PDE4D: variants seen among roughly 807,000 people sequenced by gnomAD.
PDE4D encodes the protein phosphodiesterase 4D.
A neutral mutation model predicts 87.4 loss-of-function variants in PDE4D; 24 were observed. That is an observed-to-expected ratio of 0.27 (90% confidence interval 0.20 to 0.39). The LOEUF (loss-of-function observed/expected upper bound fraction) is 0.39. PDE4D is among the 10% of genes least tolerant of loss of function. The pLI, the probability that PDE4D is intolerant of heterozygous loss-of-function variation, is 1.00. For synonymous variants in PDE4D, 384 were observed against 383.2 expected (o/e 1.00, Z -0.02); for missense variants, 714 against 1,041.0 (o/e 0.69, Z 4.32).
In PDE4D at chr5:59,574,108, A is replaced by T. The variant is rs1409452440; in HGVS notation, c.455+319060T>A. Among the ~76,000 whole-genome samples, 61 of 32,358 alleles carry T rather than the reference A, an allele frequency of 1.9e-3. No individual in the cohort carries two copies. The East Asian group carries it at 0.023, about 12-fold the overall frequency. The allele number at this position is 32,358 out of a possible 152,430, so 21.2% of individuals were successfully genotyped here. On this transcript the variant is annotated intron_variant, in intron 1 of 14. Transcript: ENST00000340635. ...TTTATATATATAAATATATATTTATATATATATATAAATATATATTTATAT... is the reference window on the plus strand; with the variant it reads ...TTTATATATATAAATATATATTTATTTATATATATAAATATATATTTATAT...
chr5:60,088,755 A>T (rs1582593850), intron 2 of PDE4D, among the ~76,000 whole-genome samples: 1 of 152,104 alleles, frequency 6.6e-6, no homozygotes, highest in South Asian at 2.1e-4. Context: ...AAAAGAAAGA[A>T]ATGATTCTAC....
chr5:60,268,630 A>G (rs995849542), intron 1 of PDE4D, among the ~76,000 whole-genome samples: 4 of 152,248 alleles, frequency 2.6e-5, no homozygotes, highest in Non-Finnish European at 5.9e-5. Context: ...GTGGGAGAGC[A>G]GGCAGATCCT....
intron 2 of PDE4D, among the ~76,000 whole-genome samples, chr5:60,133,417 C>T (rs1477245463): frequency 1.3e-5 from 2 of 151,976 alleles, no homozygotes; most frequent in African/African-American, 4.8e-5. Context: ...CAAACTCTGC[C>T]TCCTGGGTTC....
At chr5:59,340,547 C>T (rs1176239200) in intron 1 of PDE4D, among the ~76,000 whole-genome samples, 1 of 152,122 alleles carries the variant, frequency 6.6e-6, no homozygotes, top group Non-Finnish European at 1.5e-5. Flanking sequence ...TCCAATTATA[C>T]TCTTTAATTA....
intron 1 of PDE4D, among the ~76,000 whole-genome samples, chr5:60,208,795 C>T (rs909895096): frequency 6.6e-6 from 1 of 152,160 alleles, no homozygotes; most frequent in African/African-American, 2.4e-5. Flanking sequence ...GCAATGGCAC[C>T]AGGCTGCCCT....
intron 1 of PDE4D, among the ~76,000 whole-genome samples, chr5:59,349,395 T>C (rs971442229): frequency 6.6e-6 from 1 of 152,014 alleles, no homozygotes; most frequent in African/African-American, 2.4e-5. Flanking sequence ...GTAAAGTGTA[T>C]AGAATTGAAT....
chr5:59,290,158 AG>A (rs1279298354), intron 1 of PDE4D, among the ~76,000 whole-genome samples: 1 of 152,066 alleles, frequency 6.6e-6, no homozygotes, highest in Admixed American at 6.6e-5. Context: ...TCCCAGAAAT[AG>A]AAAAAAAATC....
intron 1 of PDE4D, among the ~76,000 whole-genome samples, chr5:60,279,659 A>G (rs1258910101): frequency 1.3e-5 from 2 of 149,054 alleles, no homozygotes; most frequent in Non-Finnish European, 3.0e-5. Context: ...CATGTAATGC[A>G]TTGGTATTTT....
At chr5:59,502,663 AGTGTGTGT>A (rs56100725) in intron 1 of PDE4D, among the ~76,000 whole-genome samples, 4,074 of 135,152 alleles carry the variant, frequency 0.03, 104 homozygotes, top group East Asian at 0.12. Context: ...TCCTTAAGGT[AGTGTGTGT>A]GTGTGTGTGT....
Position 60,040,359 on chromosome 5 carries a change from C to T in PDE4D, c.43-51642G>A, listed in dbSNP as rs565002223. On this transcript the variant is annotated intron_variant, in intron 2 of 16. Coordinates refer to the PDE4D transcript ENST00000502484. ...GGGATGCTGTGATTATCTGCCTCTA[C>T]TCTCTCACCAATTTCCCCTTTGAAT... Among the ~76,000 whole-genome samples, 10 of 152,308 alleles carry T rather than the reference C, an allele frequency of 6.6e-5. No homozygotes were observed. In the East Asian group the frequency reaches 1.7e-3, roughly 26 times the overall value.
intron 1 of PDE4D, among the ~76,000 whole-genome samples, chr5:60,483,178 G>A (rs10939849): frequency 0.13 from 19,100 of 151,966 alleles, 1,306 homozygotes; most frequent in Non-Finnish European, 0.15. Context: ...GGTGGGTGGG[G>A]GACAGAGTTT....
chr5:60,004,193 A>G (rs1486698571), intron 2 of PDE4D, among the ~76,000 whole-genome samples: 1 of 152,204 alleles, frequency 6.6e-6, no homozygotes, highest in Non-Finnish European at 1.5e-5. Context: ...GCTTTTGCAC[A>G]GCAAAGGAAA....
In PDE4D at chr5:59,817,727, C is replaced by T. The variant is rs889361227; in HGVS notation, c.455+75441G>A. ...ACACAGGCATGCAGGCACGCGCGCGCGCGCACACACCCACACCCCCCCCCA... is the reference window on the plus strand; with the variant it reads ...ACACAGGCATGCAGGCACGCGCGCGTGCGCACACACCCACACCCCCCCCCA... On this transcript the variant is annotated intron_variant, in intron 1 of 14. Transcript: ENST00000340635. 3.4e-4 allele frequency among the ~76,000 whole-genome samples: 52 copies of T among 151,398 alleles called. 1 individual carries two copies. The highest frequency in any genetic ancestry group is 4.9e-4 in the Non-Finnish European group (33 of 67,786).
intron 1 of PDE4D, among the ~76,000 whole-genome samples, chr5:59,384,845 T>C (rs1786660774): frequency 6.6e-6 from 1 of 152,054 alleles, no homozygotes; most frequent in Non-Finnish European, 1.5e-5. Context: ...AATTATCTTA[T>C]ACTGATCTCC....
intron 1 of PDE4D, among the ~76,000 whole-genome samples, chr5:59,281,355 T>A (rs2153547823): frequency 6.6e-6 from 1 of 152,202 alleles, no homozygotes; most frequent in African/African-American, 2.4e-5. Flanking sequence ...TAATTATTGG[T>A]TTGAGTGACT....
intron 2 of PDE4D, among the ~76,000 whole-genome samples, chr5:60,060,579 G>A (rs376706651): frequency 6.6e-6 from 1 of 152,084 alleles, no homozygotes; most frequent in African/African-American, 2.4e-5. Context: ...CTTTCCCTGA[G>A]GAGTTGATTT....
intron 4 of PDE4D, among the ~76,000 whole-genome samples, chr5:59,182,049 C>T (rs777727520): frequency 1.1e-4 from 17 of 151,856 alleles, no homozygotes; most frequent in Non-Finnish European, 1.8e-4. Context: ...TTATTGGTAT[C>T]GATTTGGGAT....
At chr5:59,172,283 T>G (rs1369064566) in intron 5 of PDE4D, among the ~76,000 whole-genome samples, 1 of 129,690 alleles carries the variant, frequency 7.7e-6, no homozygotes, top group Non-Finnish European at 1.6e-5. Context: ...TTATAAGAAA[T>G]ATATATTTAT....
At chr5:60,395,911 G>C (rs1363312704) in intron 1 of PDE4D, among the ~76,000 whole-genome samples, 3 of 152,020 alleles carry the variant, frequency 2.0e-5, no homozygotes, top group Admixed American at 6.6e-5. Context: ...CCACCACCAG[G>C]GGACCATGTA....
Sources: gnomAD v4.1 joint callset for allele counts (sites outside exome capture counted in the v4.1 genomes callset) on GRCh38, gnomAD v4.1.1 for gene constraint, MANE v1.5 for transcripts, NCBI Gene and HGNC (gene_info 2026-07-23, HGNC 2026-07-21) for gene names.